Variants in CHST8 observed in about 807,000 individuals in gnomAD.
CHST8 encodes the protein GALNAC-4-ST1.
Under a neutral mutation model 15.0 loss-of-function variants are expected in CHST8, and 10 were observed. The observed-to-expected ratio is 0.67, with a 90% CI of 0.41 to 1.13. The LOEUF (loss-of-function observed/expected upper bound fraction) is 1.13. Ranked by LOEUF, CHST8 falls within the 50% of genes most tolerant of loss-of-function variation. CHST8 has a pLI of 0.00. For synonymous variants in CHST8, 259 were observed against 256.6 expected, an observed-to-expected ratio of 1.01 and a Z score of -0.09; for missense variants, 634 against 608.2, an observed-to-expected ratio of 1.04 and a Z score of -0.45.
Position 33,764,119 on chromosome 19 carries a change from G to A in CHST8, c.131-7294G>A, listed in dbSNP as rs548855019. Among the ~76,000 whole-genome samples the A allele has an allele frequency of 3.3e-5, 5 of 152,318 alleles. No homozygotes were observed. In the East Asian group the frequency reaches 7.7e-4, roughly 24 times the overall value. On this transcript the variant is annotated intron_variant, in intron 3 of 4. Coordinates refer to ENST00000650847, the MANE Select transcript of CHST8 (RefSeq NM_001127895.2). The stretch of plus-strand genomic sequence containing the variant: ...GAACCCTGGGCCCAGCTTCTGGGAA[G>A]CCCCATACCCTTCCTCATGTCCAAG...
chr19:33,763,913 C>A (rs285692), intron 3 of CHST8, among the ~76,000 whole-genome samples: 17 of 152,204 alleles, frequency 1.1e-4, no homozygotes, highest in African/African-American at 4.1e-4. Flanking sequence ...CCAAAGCAGG[C>A]CCCGGCCTGG....
chr19:33,687,128 C>T (rs1972995122), intron 2 of CHST8, among the ~76,000 whole-genome samples: 1 of 152,254 alleles, frequency 6.6e-6, no homozygotes, highest in African/African-American at 2.4e-5. Context: ...TCTCCTGAGG[C>T]TTTGGGGCTG....
At chr19:33,735,050 TTG>T (rs1435842311) in intron 3 of CHST8, among the ~76,000 whole-genome samples, 3 of 152,170 alleles carry the variant, frequency 2.0e-5, no homozygotes, top group Admixed American at 1.3e-4. Flanking sequence ...TAAAAAAGGC[TTG>T]TGTTTGTTGG....
chr19:33,622,633 G>A (rs923477918), intron 1 of CHST8, among the ~76,000 whole-genome samples: 1 of 152,144 alleles, frequency 6.6e-6, no homozygotes, highest in Non-Finnish European at 1.5e-5. Context: ...TGCTGCCCGC[G>A]GGGAGGCGGC....
chr19:33,695,570 C>T (rs931477673), intron 3 of CHST8, among the ~76,000 whole-genome samples: 1 of 152,052 alleles, frequency 6.6e-6, no homozygotes, highest in African/African-American at 2.4e-5. Flanking sequence ...CACCCCCCAT[C>T]CCAGCCTTGT....
rs368667177 is a variant in CHST8 at position 33,683,178 on chromosome 19, C to T, written c.-86-5998C>T. ...AGTCCCCTCCAACCAGACCCCACCT[C>T]CAACACTGGAAATCACATTTCACCA... is the stretch of plus-strand genomic sequence containing the variant. On this transcript the variant is annotated intron_variant, in intron 2 of 4. Coordinates refer to ENST00000650847, the MANE Select transcript of CHST8 (RefSeq NM_001127895.2). 3.3e-5 allele frequency among the ~76,000 whole-genome samples: 5 copies of T among 152,348 alleles called. No homozygotes were observed. In the East Asian group the frequency reaches 7.7e-4, roughly 24 times the overall value.
At chr19:33,719,278 A>C (rs1287239332) in intron 3 of CHST8, among the ~76,000 whole-genome samples, 1 of 152,032 alleles carries the variant, frequency 6.6e-6, no homozygotes, top group Non-Finnish European at 1.5e-5. Flanking sequence ...CTGGGCGGGG[A>C]GGCAGGATCA....
intron 3 of CHST8, among the ~76,000 whole-genome samples, chr19:33,757,412 AAGAAAGAAAGAAAG>A (rs1974574106): frequency 1.5e-4 from 1 of 6,868 alleles, no homozygotes; most frequent in Non-Finnish European, 3.3e-4. Flanking sequence ...GAAAGAAAGA[AAGAAAGAAAGAAAG>A]AAAGAAAGAA....
intron 1 of CHST8, among the ~76,000 whole-genome samples, chr19:33,643,721 G>A (rs151226332): frequency 3.9e-5 from 6 of 152,202 alleles, no homozygotes; most frequent in African/African-American, 1.2e-4. Flanking sequence ...GCTTAGGAGC[G>A]CATTTCTAGT....
chr19:33,760,577 C>G (rs1003605221), intron 3 of CHST8, among the ~76,000 whole-genome samples: 3 of 151,904 alleles, frequency 2.0e-5, no homozygotes, highest in African/African-American at 7.3e-5. Context: ...ATCTTGGCCT[C>G]CAAAGCACTG....
chr19:33,710,689 A>G (rs1973531001), intron 3 of CHST8, among the ~76,000 whole-genome samples: 2 of 152,190 alleles, frequency 1.3e-5, no homozygotes, highest in South Asian at 4.1e-4. Flanking sequence ...ACTCTTGGGC[A>G]TGGAATTTTC....
chr19:33,727,647 T>C (rs915436908), intron 3 of CHST8, among the ~76,000 whole-genome samples: 10 of 152,210 alleles, frequency 6.6e-5, no homozygotes, highest in African/African-American at 2.4e-4. Context: ...TTTGCTCCCA[T>C]TTCCTCCAGG....
chr19:33,674,403 G>A (rs1480688510), intron 2 of CHST8, among the ~76,000 whole-genome samples: 1 of 152,186 alleles, frequency 6.6e-6, no homozygotes, highest in African/African-American at 2.4e-5. Flanking sequence ...AGCTAATGAG[G>A]GGGTCTGTGA....
At chr19:33,703,887 G>A (rs778129398) in intron 3 of CHST8, among the ~76,000 whole-genome samples, 2 of 152,218 alleles carry the variant, frequency 1.3e-5, no homozygotes, top group Non-Finnish European at 2.9e-5. Context: ...GAAAATAGCT[G>A]AGCTTAAATC....
intron 2 of CHST8, among the ~76,000 whole-genome samples, chr19:33,685,756 G>T (rs767428575): frequency 1.9e-4 from 29 of 152,218 alleles, no homozygotes; most frequent in Non-Finnish European, 2.4e-4. Flanking sequence ...CCAGGAGAGG[G>T]AGACAGACAG....
At chr19:33,751,046 G>C (rs1351854828) in intron 3 of CHST8, among the ~76,000 whole-genome samples, 1 of 152,180 alleles carries the variant, frequency 6.6e-6, no homozygotes, top group African/African-American at 2.4e-5. Context: ...ATTTCCTCTT[G>C]GAGTTGGTTT....
At chr19:33,645,972 CA>C (rs1300296048) in intron 1 of CHST8, among the ~76,000 whole-genome samples, 23 of 152,012 alleles carry the variant, frequency 1.5e-4, no homozygotes, top group African/African-American at 5.3e-4. Flanking sequence ...ACAGAAAATA[CA>C]AAAAATTAGC....
intron 1 of CHST8, among the ~76,000 whole-genome samples, chr19:33,662,373 C>T (rs1371794031): frequency 6.6e-6 from 1 of 152,220 alleles, no homozygotes. Context: ...CCACTGCACC[C>T]AGCTTGAAAG....
intron 3 of CHST8, among the ~76,000 whole-genome samples, chr19:33,695,546 A>T (rs1200678718): frequency 6.6e-6 from 1 of 152,076 alleles, no homozygotes; most frequent in Non-Finnish European, 1.5e-5. Context: ...CCCAATATGT[A>T]ATCTTTTGTC....
Sources: gnomAD v4.1 joint callset for allele counts (sites outside exome capture counted in the v4.1 genomes callset) on GRCh38, gnomAD v4.1.1 for gene constraint, MANE v1.5 for transcripts, NCBI Gene and HGNC (gene_info 2026-07-23, HGNC 2026-07-21) for gene names.